The following USP54 variants were observed in gnomAD, a reference collection of about 807,000 sequenced individuals.
USP54 encodes the protein ubiquitin specific peptidase 54.
A neutral mutation model predicts 170.5 loss-of-function variants in USP54; 87 were observed. That is an observed-to-expected ratio of 0.51 (90% confidence interval 0.43 to 0.61). The LOEUF (loss-of-function observed/expected upper bound fraction) is 0.61, where lower values mean the gene tolerates loss of function less well. Among genes scored for constraint, USP54 ranks in the 20% least tolerant of loss-of-function variants. The probability of loss-of-function intolerance (pLI) is 0.00; values close to 1 mark genes in which losing one functional copy is unlikely to be tolerated. For missense variants in USP54, 1,786 were observed against 2,047.8 expected (o/e 0.87, Z 2.47); for synonymous variants, 655 against 742.8 (o/e 0.88, Z 1.92).
At position 73,560,256 on chromosome 10, in the gene USP54, C is replaced by A. The variant is rs149848595; in HGVS notation, c.240+11165G>T. On this transcript the variant is annotated intron_variant, in intron 4 of 23. Transcript: ENST00000687698. ...AATGCTTTGCTGACAGAATCCCAGG[C>A]CTGCTTTCTTCTTTCAGCAGGTCTT... Among the ~76,000 whole-genome samples, 124 of 152,192 alleles carry A rather than the reference C, an allele frequency of 8.1e-4. 2 individuals carry two copies. The East Asian group carries it at 0.021, about 26-fold the overall frequency.
chr10:73,553,164 G>A (rs779884471), intron 4 of USP54: 4 of 152,212 alleles, frequency 2.6e-5, no homozygotes, highest in Non-Finnish European at 5.9e-5. Flanking sequence ...CAATAGATCT[G>A]GCTCCCCAGT....
intron 1 of USP54, among the ~76,000 whole-genome samples, chr10:73,619,647 A>C (rs2080931227): frequency 1.3e-5 from 2 of 150,620 alleles, no homozygotes. Flanking sequence ...GTATTCCTCC[A>C]CTTTTTTCTA....
intron 20 of USP54, among the ~76,000 whole-genome samples, chr10:73,514,947 G>A (rs926026801): frequency 6.6e-6 from 1 of 151,790 alleles, no homozygotes; most frequent in Non-Finnish European, 1.5e-5. Flanking sequence ...GGCTGAGGCA[G>A]GAGAATCACT....
intron 4 of USP54, among the ~76,000 whole-genome samples, chr10:73,563,015 G>A (rs897464639): frequency 6.6e-5 from 10 of 152,104 alleles, no homozygotes; most frequent in African/African-American, 2.4e-4. Flanking sequence ...GCAGCAGCAT[G>A]ATCAAGGCTC....
At position 73,517,220 on chromosome 10, in the gene USP54, T is replaced by TA. The variant is rs2061206870; in HGVS notation, c.3205dup (p.Tyr1069LeufsTer2). On this transcript the variant is annotated frameshift_variant, in exon 20 of 24. Coordinates refer to ENST00000687698, the MANE Select transcript of USP54 (RefSeq NM_001391956.1). LOFTEE classifies it high-confidence loss of function. ...AGGCATTATGGGGTGGCAGGTTCTA[T>TA]ACAGGGGAAGGCTGGGCTGAGCTGA... is the stretch of plus-strand genomic sequence containing the variant. 9 of 1,614,060 alleles carry TA rather than the reference T, an allele frequency of 5.6e-6. No homozygotes were observed. Among genetic ancestry groups the TA allele is most frequent in the African/African-American group, 1.3e-5 (1 of 74,944 alleles).
In USP54 at chr10:73,575,628, C is replaced by A; in HGVS notation, c.31G>T (p.Gly11Cys). The change falls in exon 3 of 24, where the codon GGT becomes TGT. Residue 11 changes from glycine (G) to cysteine (C), a missense_variant. This residue lies in a region of USP54 where 361 missense variants were observed against 455.0 expected (regional missense o/e 0.79). Coordinates refer to ENST00000687698, the MANE Select transcript of USP54 (RefSeq NM_001391956.1). ...AACATCCCTTGTACACTACCACGACCCCCTGAAAAATAATTTCTCTTCCAA... is the reference window on the plus strand; with the variant it reads ...AACATCCCTTGTACACTACCACGACACCCTGAAAAATAATTTCTCTTCCAA... MSWKRNYFSG[G>C]RGSVQGMFAP... 6.2e-7 allele frequency: 1 copy of A among 1,609,400 alleles called. No individual in the cohort carries two copies. Among genetic ancestry groups the A allele is most frequent in the Non-Finnish European group, 8.5e-7 (1 of 1,178,264 alleles).
intron 1 of USP54, among the ~76,000 whole-genome samples, chr10:73,605,300 A>G (rs1337836555): frequency 6.6e-6 from 1 of 152,084 alleles, no homozygotes; most frequent in Admixed American, 6.6e-5. Flanking sequence ...TCCTGACCTC[A>G]TGATCCGCCC....
chr10:73,536,401 T>G lies in USP54; in HGVS notation c.1012A>C (p.Ile338Leu). ...AGCAGGGGCTGATAATGCCCCTTGA[T>G]GCATTTGGTCACCACATCCTTCCAT... Reference protein sequence around the residue: ...PKWKDVVTKCIKGHYQPLLLL... With the variant: ...PKWKDVVTKCLKGHYQPLLLL... The change falls in exon 11 of 24, where the codon ATC (isoleucine) becomes CTC (leucine). Residue 338 changes from isoleucine to leucine, a missense_variant. This residue lies in a region of USP54 where 361 missense variants were observed against 455.0 expected (regional missense o/e 0.79). Coordinates refer to ENST00000687698, the MANE Select transcript of USP54 (RefSeq NM_001391956.1). 6.3e-7 allele frequency: 1 copy of G among 1,586,734 alleles called. No homozygotes were observed. Among genetic ancestry groups the G allele is most frequent in the Non-Finnish European group, 8.6e-7 (1 of 1,166,446 alleles).
chr10:73,584,770 A>G (rs569774516), intron 1 of USP54, among the ~76,000 whole-genome samples: 1 of 152,312 alleles, frequency 6.6e-6, no homozygotes, highest in East Asian at 1.9e-4. Context: ...GAGATAACCG[A>G]CCATTGAGAC....
At chr10:73,544,049 T>C (rs1488036327) in intron 5 of USP54, among the ~76,000 whole-genome samples, 1 of 151,956 alleles carries the variant, frequency 6.6e-6, no homozygotes, top group Non-Finnish European at 1.5e-5. Flanking sequence ...TTCAAGAGAT[T>C]CTCCTGCCTC....
chr10:73,575,406 A>G, intron 3 of USP54, 106 bp downstream of exon 3: 1 of 1,275,684 alleles, frequency 7.8e-7, no homozygotes, highest in South Asian at 2.3e-5. Flanking sequence ...CAGGTTACTA[A>G]CCTCAAACAG....
chr10:73,515,085 G>A (rs1046719674), intron 20 of USP54, among the ~76,000 whole-genome samples: 2 of 151,682 alleles, frequency 1.3e-5, no homozygotes, highest in South Asian at 2.1e-4. Flanking sequence ...ATATTTATGT[G>A]GTATTCCCCT....
intron 20 of USP54, among the ~76,000 whole-genome samples, chr10:73,510,742 C>T (rs1589876439): frequency 6.6e-6 from 1 of 152,034 alleles, no homozygotes; most frequent in East Asian, 1.9e-4. Flanking sequence ...AGTCACTGTG[C>T]CCGGCCTACT....
In USP54 at chr10:73,517,353, G is replaced by A; in HGVS notation, c.3073C>T (p.Leu1025=). ...QEGRGIAQEQ[L]FQEKKDPANP... ...GCAGGATCCTTCTTTTCTTGGAACA[G>A]CTGTTCTTGAGCAATGCCTCTTCCT... The change falls in exon 20 of 24, where the codon CTG becomes TTG. Residue 1025 remains leucine (L), a synonymous_variant. Coordinates refer to ENST00000687698, the MANE Select transcript of USP54 (RefSeq NM_001391956.1). 6.2e-7 allele frequency: 1 copy of A among 1,612,620 alleles called. No individual in the cohort carries two copies. Among genetic ancestry groups the A allele is most frequent in the Non-Finnish European group, 8.5e-7 (1 of 1,179,286 alleles).
At chr10:73,616,506 TGG>T (rs1161487152) in intron 1 of USP54, among the ~76,000 whole-genome samples, 1 of 148,392 alleles carries the variant, frequency 6.7e-6, no homozygotes, top group Non-Finnish European at 1.5e-5. Flanking sequence ...TGTGCGGGGG[TGG>T]GAAGAGCATC....
intron 17 of USP54, 99 bp downstream of exon 17, chr10:73,523,484 T>C: frequency 7.2e-7 from 1 of 1,390,088 alleles, no homozygotes; most frequent in East Asian, 2.3e-5. Flanking sequence ...AAAAAATTAT[T>C]TTGCTAAAGA....
intron 4 of USP54, among the ~76,000 whole-genome samples, chr10:73,546,352 T>C (rs2067812786): frequency 6.6e-6 from 1 of 152,124 alleles, no homozygotes; most frequent in Non-Finnish European, 1.5e-5. Flanking sequence ...TTTGTGTGTG[T>C]TCTTGTTGTT....
chr10:73,554,541 G>A (rs1389280218), intron 4 of USP54, among the ~76,000 whole-genome samples: 1 of 152,182 alleles, frequency 6.6e-6, no homozygotes, highest in African/African-American at 2.4e-5. Context: ...TGTCTTTTAA[G>A]AGGGGAAAAA....
At chr10:73,619,761 C>T (rs2080939740) in intron 1 of USP54, among the ~76,000 whole-genome samples, 1 of 150,480 alleles carries the variant, frequency 6.6e-6, no homozygotes, top group Non-Finnish European at 1.5e-5. Flanking sequence ...AATAAAACAC[C>T]TGAATTACTT....
Sources: allele counts gnomAD v4.1 joint callset (sites outside exome capture counted in the v4.1 genomes callset), GRCh38; gene constraint gnomAD v4.1.1; regional missense constraint gnomAD v4.1.1; transcripts MANE v1.5; gene names NCBI Gene and HGNC (gene_info 2026-07-23, HGNC 2026-07-21).